The following KMT2E variants were observed in gnomAD, a reference collection of about 807,000 sequenced individuals.
KMT2E encodes histone reader KMT2E.
In KMT2E, 30 loss-of-function variants were observed where a neutral mutation model predicts 184.6. The observed-to-expected ratio is 0.16, with a 90% CI of 0.12 to 0.22. KMT2E has a LOEUF of 0.22. Ranked by LOEUF, KMT2E falls within the 10% of genes least tolerant of loss-of-function variation. The pLI, the probability that KMT2E is intolerant of heterozygous loss-of-function variation, is 1.00. For missense variants in KMT2E, 2,023 were observed against 2,237.4 expected, an observed-to-expected ratio of 0.90 and a Z score of 1.93; for synonymous variants, 815 against 776.5, an observed-to-expected ratio of 1.05 and a Z score of -0.82.
At chr7:105,071,407 A>G (rs991416565) in intron 6 of KMT2E, among the ~76,000 whole-genome samples, 20 of 150,184 alleles carry the variant, frequency 1.3e-4, no homozygotes, top group Non-Finnish European at 2.2e-4. Flanking sequence ...TTGCTGTGTC[A>G]CCAGGCTGCA....
chr7:105,020,961 C>T (rs1794925171), intron 1 of KMT2E, among the ~76,000 whole-genome samples: 1 of 152,118 alleles, frequency 6.6e-6, no homozygotes, highest in South Asian at 2.1e-4. Context: ...TTTTTGTTTT[C>T]TTATTTCAGA....
chr7:105,073,419 AT>A (rs1348968494), intron 6 of KMT2E, among the ~76,000 whole-genome samples, 199 bp from the exon 7 acceptor site: 3 of 148,476 alleles, frequency 2.0e-5, no homozygotes, highest in Admixed American at 6.8e-5. Flanking sequence ...AAAAAAAAAA[AT>A]CAGAGTGAAA....
In KMT2E at chr7:105,101,689, A is replaced by T. The variant is rs570172703; in HGVS notation, c.1887+100A>T. The T allele has an allele frequency of 1.6e-5, 18 of 1,102,322 alleles. No individual in the cohort carries two copies. In the South Asian group the frequency reaches 3.7e-4, roughly 23 times the overall value. 68.3% of individuals were successfully genotyped at this position (1,102,322 alleles called of 1,614,324 possible). On this transcript the variant is annotated intron_variant, in intron 16 of 26. Coordinates refer to ENST00000311117, the MANE Select transcript of KMT2E (RefSeq NM_182931.3). ...TAAGGAATTTAAAATAATGTCTATT[A>T]GCTTTTTAATAGCATTTTTCAGATC...
rs779320779 is a variant in KMT2E at position 105,112,779 on chromosome 7, C to T, written c.5023C>T (p.His1675Tyr). ...GCATATTCATTCTCAAACTGCTGGA[C>T]ACCACTTACCCCCACCCCCACCCCC... ...GSHIHSQTAG[H>Y]HLPPPPPPPG... The change falls in exon 27 of 27, where the codon CAC becomes TAC. Residue 1675 changes from histidine to tyrosine, a missense_variant. Around this residue, in one of 8 missense-constraint regions of KMT2E, gnomAD observed 1,108 missense variants for 1,050.9 expected, o/e 1.05. Coordinates refer to ENST00000311117, the MANE Select transcript of KMT2E (RefSeq NM_182931.3). 3.7e-6 allele frequency: 6 copies of T among 1,612,370 alleles called. No individual in the cohort carries two copies. The highest frequency in any genetic ancestry group is 1.1e-5 in the South Asian group (1 of 90,982).
intron 1 of KMT2E, among the ~76,000 whole-genome samples, chr7:105,034,824 G>C (rs1434595351): frequency 7.8e-6 from 1 of 128,452 alleles, no homozygotes; most frequent in East Asian, 2.3e-4. Flanking sequence ...GAGTTAAATA[G>C]TATGTAACTT....
chr7:105,055,222 T>G (rs1053617965), intron 3 of KMT2E, among the ~76,000 whole-genome samples: 3 of 149,874 alleles, frequency 2.0e-5, no homozygotes, highest in African/African-American at 7.3e-5. Context: ...TTTAGGTTTT[T>G]TTTTTTTTTT....
chr7:105,035,592 CTTTATTTA>C (rs562443240), intron 1 of KMT2E, among the ~76,000 whole-genome samples: 1 of 151,098 alleles, frequency 6.6e-6, no homozygotes, highest in Non-Finnish European at 1.5e-5. Flanking sequence ...TATTTTCTTG[CTTTATTTA>C]TTTATTTATT....
At chr7:105,018,455 T>C (rs1443560255) in intron 1 of KMT2E, among the ~76,000 whole-genome samples, 1 of 152,238 alleles carries the variant, frequency 6.6e-6, no homozygotes, top group Non-Finnish European at 1.5e-5. Flanking sequence ...TGTGAATCTT[T>C]TATTGAAGCA....
At position 105,112,114 on chromosome 7, in the gene KMT2E, C is replaced by T. The variant is rs1799322365; in HGVS notation, c.4358C>T (p.Ser1453Leu). The change falls in exon 27 of 27, where the codon TCA (serine) becomes TTA (leucine). Residue 1453 changes from serine (S) to leucine (L), a missense_variant. Ser to Leu is a moderately radical substitution (Grantham distance 145, BLOSUM62 -2). Around this residue, in one of 8 missense-constraint regions of KMT2E, gnomAD observed 1,108 missense variants for 1,050.9 expected, o/e 1.05. Transcript: ENST00000311117. ...PSPHLENPPK[S>L]STPHTPVQHG... Reference sequence around the variant, plus strand: ...CCTCACCTAGAAAATCCTCCAAAGTCATCCACGCCTCACACACCTGTACAG... The same window carrying T: ...CCTCACCTAGAAAATCCTCCAAAGTTATCCACGCCTCACACACCTGTACAG... 6.2e-7 allele frequency: 1 copy of T among 1,614,164 alleles called. No homozygotes were observed. The highest frequency in any genetic ancestry group is 1.1e-5 in the South Asian group (1 of 91,068).
At chr7:105,040,405 C>T (rs974340462) in intron 2 of KMT2E, among the ~76,000 whole-genome samples, 1 of 152,100 alleles carries the variant, frequency 6.6e-6, no homozygotes, top group Non-Finnish European at 1.5e-5. Flanking sequence ...ATGGAGATAC[C>T]TACCTTAGAA....
intron 3 of KMT2E, among the ~76,000 whole-genome samples, chr7:105,052,793 T>A (rs1796403157): frequency 6.6e-6 from 1 of 152,042 alleles, no homozygotes; most frequent in Non-Finnish European, 1.5e-5. Flanking sequence ...TTCGCCAGAC[T>A]GGTCTCGAAC....
intron 1 of KMT2E, among the ~76,000 whole-genome samples, chr7:105,017,616 A>G (rs1379536230): frequency 6.6e-6 from 1 of 151,984 alleles, no homozygotes; most frequent in Non-Finnish European, 1.5e-5. Flanking sequence ...AAGGTTAGGC[A>G]TAATTTTTGT....
At chr7:105,076,845 G>A (rs1358544362) in intron 9 of KMT2E, 118 bp from the exon 10 acceptor site, 3 of 731,708 alleles carry the variant, frequency 4.1e-6, no homozygotes, top group East Asian at 5.4e-5. Context: ...TTTATATTAT[G>A]TTCTTTTGTA....
intron 1 of KMT2E, among the ~76,000 whole-genome samples, chr7:105,026,004 A>G (rs1795162624): frequency 6.6e-6 from 1 of 152,234 alleles, no homozygotes. Flanking sequence ...ACAAGAAACC[A>G]GAATTCTAGT....
intron 12 of KMT2E, among the ~76,000 whole-genome samples, chr7:105,081,112 T>C (rs1231538631): frequency 6.8e-6 from 1 of 146,190 alleles, no homozygotes; most frequent in Non-Finnish European, 1.5e-5. Flanking sequence ...CTGGGTGCGG[T>C]GGCTCACGCC....
At position 105,052,605 on chromosome 7, in the gene KMT2E, C is replaced by T. The variant is rs913115969; in HGVS notation, c.72-9559C>T. Among the ~76,000 whole-genome samples the T allele has an allele frequency of 7.4e-4, 113 of 152,018 alleles. 2 individuals are homozygous for T. The highest frequency in any genetic ancestry group is 2.5e-4 in the Non-Finnish European group (17 of 67,996). ...AAGGAGTCTCACTCTGTCGCCCAGG[C>T]TAGAGTGCAGTGGCGCAGTTTTGGC... On this transcript the variant is annotated intron_variant, in intron 3 of 26. Transcript: ENST00000311117.
At chr7:105,034,339 C>T (rs1795546119) in intron 1 of KMT2E, among the ~76,000 whole-genome samples, 1 of 152,104 alleles carries the variant, frequency 6.6e-6, no homozygotes, top group South Asian at 2.1e-4. Flanking sequence ...CTCAGACGAT[C>T]CTCCTACCTC....
chr7:105,035,051 G>C (rs926461027), intron 1 of KMT2E, among the ~76,000 whole-genome samples: 2 of 146,012 alleles, frequency 1.4e-5, no homozygotes, highest in African/African-American at 5.1e-5. Context: ...TTGAGACTGA[G>C]TCTTGCTGTG....
intron 15 of KMT2E, among the ~76,000 whole-genome samples, chr7:105,093,120 A>G (rs1798273739): frequency 6.6e-6 from 1 of 152,074 alleles, no homozygotes; most frequent in Non-Finnish European, 1.5e-5. Context: ...ACTTGAGTCT[A>G]GGAGGTCAAG....
Sources: gnomAD v4.1 joint callset for allele counts (sites outside exome capture counted in the v4.1 genomes callset) on GRCh38, gnomAD v4.1.1 for gene constraint, gnomAD v4.1.1 regional missense constraint, MANE v1.5 for transcripts, NCBI Gene and HGNC (gene_info 2026-07-23, HGNC 2026-07-21) for gene names.